DNHD1: variants seen among roughly 807,000 people sequenced by gnomAD.
The protein encoded by DNHD1 is dynein heavy chain domain-containing protein 1.
A neutral mutation model predicts 458.1 loss-of-function variants in DNHD1; 383 were observed. The observed-to-expected ratio is 0.84, with a 90% CI of 0.77 to 0.91. DNHD1 has a LOEUF of 0.91. Among genes scored for constraint, DNHD1 ranks in the 40% least tolerant of loss-of-function variants. The probability of loss-of-function intolerance (pLI) is 0.00; values close to 1 mark genes in which losing one functional copy is unlikely to be tolerated. For synonymous variants in DNHD1, 2,203 were observed against 2,376.9 expected (o/e 0.93, Z 2.13); for missense variants, 5,336 against 5,866.1 (o/e 0.91, Z 2.95).
At chr11:6,537,946 T>C (rs1852995378) in intron 14 of DNHD1, among the ~76,000 whole-genome samples, 1 of 151,152 alleles carries the variant, frequency 6.6e-6, no homozygotes, top group South Asian at 2.1e-4. Context: ...AAAAAGAAGA[T>C]GCTGTTTGTT....
chr11:6,533,843 T>G lies in DNHD1; in HGVS notation c.2668T>G (p.Cys890Gly), dbSNP rs915674536. 6 of 1,544,230 alleles carry G rather than the reference T, an allele frequency of 3.9e-6. No homozygotes were observed. The African/African-American group carries it at 4.1e-5, about 11-fold the overall frequency. Residue 890 changes from cysteine to glycine, a missense_variant, in exon 14 of 43, where the codon TGC becomes GGC. Cys to Gly is a radical substitution (Grantham distance 159, BLOSUM62 -3). Transcript: ENST00000254579. ...RQFGESPIPP[C>G]PPPPQPHLLH... ...ATTCGGGGAGTCACCCATCCCTCCC[T>G]GCCCTCCTCCCCCACAACCACATCT...
Position 6,547,265 on chromosome 11 carries a change from GTC to G in DNHD1, c.6329_6330del (p.Leu2110ProfsTer20). On this transcript the variant is annotated frameshift_variant, in exon 21 of 43. Transcript: ENST00000254579. LOFTEE classifies it high-confidence loss of function. Reference sequence around the variant, plus strand: ...CTCCTGAGTGAGCTTCCCCAGCTTAGTCTCCCCAGTGGACAGCAGATAGCACG... The same window carrying G: ...CTCCTGAGTGAGCTTCCCCAGCTTAGTCCCCAGTGGACAGCAGATAGCACG... 4.5e-6 allele frequency: 7 copies of G among 1,551,778 alleles called. No individual in the cohort carries two copies. The highest frequency in any genetic ancestry group is 6.1e-6 in the Non-Finnish European group (7 of 1,146,974).
At position 6,545,127 on chromosome 11, in the gene DNHD1, C is replaced by T. The variant is rs1432802033; in HGVS notation, c.4188C>T (p.Phe1396=). The change falls in exon 21 of 43, where the codon TTC becomes TTT. Residue 1396 remains phenylalanine, a synonymous_variant. Transcript: ENST00000254579. This position sits in a 1 kb window ranked among gnomAD's most constrained non-coding sequence, Gnocchi z 4.9. Reference sequence around the variant, plus strand: ...TTCCTCATGTGCATGCTGTGAGCTTCAGGTCTTGCCCAACTGGTGAGAAAA... The same window carrying T: ...TTCCTCATGTGCATGCTGTGAGCTTTAGGTCTTGCCCAACTGGTGAGAAAA... ...RCFPHVHAVS[F]RSCPTGEKNT... is the part of the protein sequence containing the mutation. 1 of 1,552,054 alleles carries T rather than the reference C, an allele frequency of 6.4e-7. No individual in the cohort carries two copies. Among genetic ancestry groups the T allele is most frequent in the East Asian group, 2.4e-5 (1 of 40,930 alleles).
Position 6,545,948 on chromosome 11 carries a change from C to G in DNHD1, c.5009C>G (p.Ala1670Gly), listed in dbSNP as rs543205468. The G allele has an allele frequency of 3.1e-5, 48 of 1,551,662 alleles. No individual in the cohort carries two copies. The Middle Eastern group carries it at 1.2e-3, about 38-fold the overall frequency. ...PLPSLLPERP[A>G]LVLLLALEEV... ...CCCAGCCTACTGCCTGAACGGCCAG[C>G]CCTGGTACTATTATTGGCCCTAGAG... is the stretch of plus-strand genomic sequence containing the variant. The change falls in exon 21 of 43, where the codon GCC becomes GGC. Residue 1670 changes from alanine (A) to glycine (G), a missense_variant. This residue lies in a region of DNHD1 where 3,932 missense variants were observed against 4,365.6 expected (regional missense o/e 0.90). Transcript: ENST00000254579. The surrounding 1 kb of genome is among the most constrained non-coding windows in gnomAD (Gnocchi z 4.9).
In DNHD1 at chr11:6,564,022, C is replaced by G; in HGVS notation, c.10182C>G (p.Cys3394Trp). The change falls in exon 31 of 43, where the codon TGC becomes TGG. Residue 3394 changes from cysteine (C) to tryptophan (W), a missense_variant. By Grantham distance (215) the Cys-to-Trp change is radical. Coordinates refer to ENST00000254579, the MANE Select transcript of DNHD1 (RefSeq NM_144666.3). The stretch of plus-strand genomic sequence containing the variant: ...AGGATGCCCAAGCTTCCCACAACTG[C>G]GTGGCAAAGACCCTCAGTCAAGCAC... ...MVEDAQASHNCVAKTLSQAQC... is the reference protein window; with the variant it reads ...MVEDAQASHNWVAKTLSQAQC... 1 of 1,551,724 alleles carries G rather than the reference C, an allele frequency of 6.4e-7. No homozygotes were observed. The highest frequency in any genetic ancestry group is 8.7e-7 in the Non-Finnish European group (1 of 1,146,998).
rs768635211 is a variant in DNHD1 at position 6,571,893 on chromosome 11, G to T, written c.14169G>T (p.Arg4723Ser). ...GPLGTAKLQS[R>S]NIVMHLPLPT... is the part of the protein sequence containing the mutation. ...TTGGCACCGCTAAGCTGCAGAGCAG[G>T]AACATCGTGATGCATCTGCCTTTAC... The change falls in exon 43 of 43, where the codon AGG becomes AGT. Residue 4723 changes from arginine to serine, a missense_variant. By Grantham distance (110) the Arg-to-Ser change is moderately radical. This residue lies in a region of DNHD1 where 698 missense variants were observed against 664.9 expected (regional missense o/e 1.05). Coordinates refer to ENST00000254579, the MANE Select transcript of DNHD1 (RefSeq NM_144666.3). The surrounding 1 kb of genome is among the most constrained non-coding windows in gnomAD (Gnocchi z 5.0). 6.2e-7 allele frequency: 1 copy of T among 1,614,012 alleles called. No homozygotes were observed. Among genetic ancestry groups the T allele is most frequent in the Admixed American group, 1.7e-5 (1 of 60,024 alleles).
Position 6,509,060 on chromosome 11 carries a change from C to A in DNHD1, c.1101C>A (p.Cys367Ter). 1 of 1,614,196 alleles carries A rather than the reference C, an allele frequency of 6.2e-7. No homozygotes were observed. Among genetic ancestry groups the A allele is most frequent in the Non-Finnish European group, 8.5e-7 (1 of 1,180,040 alleles). ...AGTTCATTCCATTCTTTAAGTATTG[C>A]CTCTTACGCAAGTCCTTTACCTGGT... ...QLQFIPFFKY[C>*]LLRKSFTCWK... Residue 367 changes from cysteine to a stop codon, truncating the protein, a stop_gained, in exon 5 of 43, where the codon TGC (cysteine) becomes TGA (stop). Coordinates refer to ENST00000254579, the MANE Select transcript of DNHD1 (RefSeq NM_144666.3). LOFTEE classifies it high-confidence loss of function.
intron 7 of DNHD1, among the ~76,000 whole-genome samples, chr11:6,518,954 A>T (rs1852546998): frequency 6.6e-6 from 1 of 152,178 alleles, no homozygotes; most frequent in South Asian, 2.1e-4. Flanking sequence ...AAGACAAAGG[A>T]TCCATCTGGC....
At position 6,558,986 on chromosome 11, in the gene DNHD1, A is replaced by G; in HGVS notation, c.9296A>G (p.Tyr3099Cys). Residue 3099 changes from tyrosine to cysteine, a missense_variant, in exon 27 of 43, where the codon TAC (tyrosine) becomes TGC (cysteine). Tyr to Cys is a radical substitution (Grantham distance 194, BLOSUM62 -2). Transcript: ENST00000254579. ...MALIHLSATHYHEHLCPALPL... is the reference protein window; with the variant it reads ...MALIHLSATHCHEHLCPALPL... ...CTTATCCACCTTTCGGCCACCCACT[A>G]CCATGAGCACCTGTGCCCTGCATTG... 6.4e-7 allele frequency: 1 copy of G among 1,551,656 alleles called. No homozygotes were observed.
chr11:6,529,049 A>G lies in DNHD1; in HGVS notation c.2275A>G (p.Ser759Gly), dbSNP rs1287893367. The change falls in exon 12 of 43, where the codon AGT becomes GGT. Residue 759 changes from serine (S) to glycine (G), a missense_variant. By Grantham distance (56) the Ser-to-Gly change is moderately conservative. Coordinates refer to ENST00000254579, the MANE Select transcript of DNHD1 (RefSeq NM_144666.3). Reference protein sequence around the residue: ...RLNVWQARVSSMPIELLTKGG... With the variant: ...RLNVWQARVSGMPIELLTKGG... ...GAATGTTTGGCAGGCCCGTGTCTCCAGTATGCCTATCGAGTTGCTCACAAA... is the reference window on the plus strand; with the variant it reads ...GAATGTTTGGCAGGCCCGTGTCTCCGGTATGCCTATCGAGTTGCTCACAAA... 5.2e-6 allele frequency: 8 copies of G among 1,550,962 alleles called. No homozygotes were observed. In the Admixed American group the frequency reaches 9.8e-5, roughly 19 times the overall value.
Position 6,513,818 on chromosome 11 carries a change from C to T in DNHD1, c.1392+2389C>T, listed in dbSNP as rs1252677375. The stretch of plus-strand genomic sequence containing the variant: ...TGGTTGTACCAGTTTACGTTTCCAT[C>T]AGTGATGCTGATTTCCAGCTGCCTT... On this transcript the variant is annotated intron_variant, in intron 7 of 42. Coordinates refer to ENST00000254579, the MANE Select transcript of DNHD1 (RefSeq NM_144666.3). 2.0e-5 allele frequency among the ~76,000 whole-genome samples: 3 copies of T among 151,936 alleles called. No homozygotes were observed. The East Asian group carries it at 5.8e-4, about 29-fold the overall frequency.
At chr11:6,504,102 T>G (rs528653291) in intron 4 of DNHD1, 6 of 152,344 alleles carry the variant, frequency 3.9e-5, no homozygotes, top group Admixed American at 3.3e-4. Context: ...ATAACCTTAT[T>G]TCCTGTGCAC....
In DNHD1 at chr11:6,498,529, T is replaced by G; in HGVS notation, c.314T>G (p.Leu105Arg). 6.2e-7 allele frequency: 1 copy of G among 1,614,230 alleles called. No individual in the cohort carries two copies. Among genetic ancestry groups the G allele is most frequent in the Non-Finnish European group, 8.5e-7 (1 of 1,180,030 alleles). ...RELLVGHLDLLPFLEQLYCWA... is the reference protein window; with the variant it reads ...RELLVGHLDLRPFLEQLYCWA... Reference sequence around the variant, plus strand: ...TTGCTAGTTGGCCACCTTGATTTGCTGCCCTTCCTGGAGCAGCTGTACTGC... The same window carrying G: ...TTGCTAGTTGGCCACCTTGATTTGCGGCCCTTCCTGGAGCAGCTGTACTGC... The change falls in exon 3 of 43, where the codon CTG becomes CGG. Residue 105 changes from leucine to arginine, a missense_variant. Physicochemically the swap from Leu to Arg is moderately radical, Grantham distance 102. Transcript: ENST00000254579.
chr11:6,546,606 T>C lies in DNHD1; in HGVS notation c.5667T>C (p.Asn1889=), dbSNP rs1203277400. Residue 1889 remains asparagine (N), a synonymous_variant, in exon 21 of 43, where the codon AAT becomes AAC. Coordinates refer to ENST00000254579, the MANE Select transcript of DNHD1 (RefSeq NM_144666.3). ...TGGAAGACACAATACGGACACTAAA[T>C]GTGACCAAGGAGGAACCGAAGTGCC... is the stretch of plus-strand genomic sequence containing the variant. ...QILEDTIRTL[N]VTKEEPKCQK... 5 of 1,551,782 alleles carry C rather than the reference T, an allele frequency of 3.2e-6. No homozygotes were observed. In the Admixed American group the frequency reaches 7.8e-5, roughly 24 times the overall value.
intron 28 of DNHD1, among the ~76,000 whole-genome samples, chr11:6,561,159 G>A (rs772576594): frequency 6.6e-6 from 1 of 152,230 alleles, no homozygotes; most frequent in Non-Finnish European, 1.5e-5. Flanking sequence ...GGTTAGGCCA[G>A]GCACAGTGGC....
Position 6,557,330 on chromosome 11 carries a change from G to C in DNHD1, c.8035G>C (p.Val2679Leu). 6.4e-7 allele frequency: 1 copy of C among 1,551,542 alleles called. No individual in the cohort carries two copies. The highest frequency in any genetic ancestry group is 8.7e-7 in the Non-Finnish European group (1 of 1,147,022). The change falls in exon 25 of 43, where the codon GTC becomes CTC. Residue 2679 changes from valine (V) to leucine (L), a missense_variant. Around this residue, in one of 4 missense-constraint regions of DNHD1, gnomAD observed 3,932 missense variants for 4,365.6 expected, o/e 0.90. Coordinates refer to ENST00000254579, the MANE Select transcript of DNHD1 (RefSeq NM_144666.3). ...GCTGCTCCTAGTAGTAGCTCAAAGTGTCTTCTGCTGTGGGCCAGGGCCCCA... is the reference window on the plus strand; with the variant it reads ...GCTGCTCCTAGTAGTAGCTCAAAGTCTCTTCTGCTGTGGGCCAGGGCCCCA... ...AKLLLVVAQS[V>L]FCCGPGPQHL...
rs752178175 is a variant in DNHD1 at position 6,498,189 on chromosome 11, C to G, written c.-27C>G. The G allele has an allele frequency of 1.3e-6, 2 of 1,590,620 alleles. No homozygotes were observed. The highest frequency in any genetic ancestry group is 2.7e-5 in the African/African-American group (2 of 74,610). ...GCCTGAGCTATGGGCAAGGTCACTTCGACAGCAGTTGAATGCCCAGCTCCT... is the reference window on the plus strand; with the variant it reads ...GCCTGAGCTATGGGCAAGGTCACTTGGACAGCAGTTGAATGCCCAGCTCCT... On this transcript the variant is annotated 5_prime_UTR_variant, in exon 3 of 43. Transcript: ENST00000254579.
rs1306560174 is a variant in DNHD1, at chr11:6,546,644, G to A, written c.5705G>A (p.Ser1902Asn). 6.6e-7 allele frequency: 1 copy of A among 1,516,366 alleles called. No individual in the cohort carries two copies. Among genetic ancestry groups the A allele is most frequent in the Admixed American group, 2.0e-5 (1 of 49,894 alleles). The allele number at this position is 1,516,366 out of a possible 1,614,324, so 93.9% of individuals were successfully genotyped here. The change falls in exon 21 of 43, where the codon AGC (serine) becomes AAC (asparagine). Residue 1902 changes from serine (S) to asparagine (N), a missense_variant. Around this residue, in one of 4 missense-constraint regions of DNHD1, gnomAD observed 3,932 missense variants for 4,365.6 expected, o/e 0.90. Transcript: ENST00000254579. Reference protein sequence around the residue: ...KEEPKCQKPRSLAAIEEAALL... With the variant: ...KEEPKCQKPRNLAAIEEAALL... Reference sequence around the variant, plus strand: ...GAACCGAAGTGCCAGAAGCCTCGCAGCCTAGCTGCCATTGAGGAGGCTGCC... The same window carrying A: ...GAACCGAAGTGCCAGAAGCCTCGCAACCTAGCTGCCATTGAGGAGGCTGCC...
chr11:6,543,869 G>A (rs1564814993), intron 18 of DNHD1, among the ~76,000 whole-genome samples: 1 of 143,884 alleles, frequency 7.0e-6, no homozygotes, highest in Non-Finnish European at 1.5e-5. Context: ...GCTGAGGCAG[G>A]TGAATTGCTT....
Sources: gnomAD v4.1 joint callset for allele counts (sites outside exome capture counted in the v4.1 genomes callset) on GRCh38, gnomAD v4.1.1 for gene constraint, gnomAD v4.1.1 regional missense constraint, Gnocchi (gnomAD v3.1) non-coding constraint, MANE v1.5 for transcripts, NCBI Gene and HGNC (gene_info 2026-07-23, HGNC 2026-07-21) for gene names.